The following RBFOX1 variants were observed in gnomAD, a reference collection of about 807,000 sequenced individuals.
The protein encoded by RBFOX1 is RNA binding protein fox-1 homolog 1.
RBFOX1 carries 8 observed loss-of-function variants against 57.7 expected under a neutral mutation model. The observed-to-expected ratio is 0.14, with a 90% CI of 0.08 to 0.25. The LOEUF (loss-of-function observed/expected upper bound fraction) is 0.25. Ranked by LOEUF, RBFOX1 falls within the 10% of genes least tolerant of loss-of-function variation. RBFOX1 has a pLI of 1.00. For synonymous variants in RBFOX1, 326 were observed against 222.4 expected (o/e 1.47, Z -4.15); for missense variants, 611 against 548.5 (o/e 1.11, Z -1.14).
chr16:5,866,932 A>G (rs1253689805), intron 3 of RBFOX1, among the ~76,000 whole-genome samples: 2 of 152,184 alleles, frequency 1.3e-5, no homozygotes, highest in Non-Finnish European at 2.9e-5. Context: ...CTTTAAGGGA[A>G]GGAAAAAAAC....
At chr16:6,766,097 C>G (rs1178325214) in intron 3 of RBFOX1, among the ~76,000 whole-genome samples, 1 of 150,900 alleles carries the variant, frequency 6.6e-6, no homozygotes, top group African/African-American at 2.4e-5. Context: ...TCCATGTAAC[C>G]AAAACTAACC....
At chr16:7,057,196 A>T (rs1219895928) in intron 4 of RBFOX1, among the ~76,000 whole-genome samples, 1 of 152,186 alleles carries the variant, frequency 6.6e-6, no homozygotes, top group Non-Finnish European at 1.5e-5. Context: ...AAGACAACAT[A>T]AAGGGCAGGC....
At chr16:5,845,061 C>CTTTTT (rs34775077) in intron 3 of RBFOX1, among the ~76,000 whole-genome samples, 1 of 140,166 alleles carries the variant, frequency 7.1e-6, no homozygotes. Flanking sequence ...ACCCGAGATT[C>CTTTTT]TTTTTTTTTT....
At chr16:6,008,080 C>T (rs1438852884) in intron 4 of RBFOX1, among the ~76,000 whole-genome samples, 1 of 152,126 alleles carries the variant, frequency 6.6e-6, no homozygotes, top group Non-Finnish European at 1.5e-5. Context: ...TGGCATGCAC[C>T]TGTAGTCCCA....
At chr16:6,686,068 G>C (rs1003445138) in intron 3 of RBFOX1, among the ~76,000 whole-genome samples, 3 of 152,206 alleles carry the variant, frequency 2.0e-5, no homozygotes, top group African/African-American at 7.2e-5. Context: ...GCTGGGCCCA[G>C]CGCTGTGCTC....
At chr16:7,527,444 G>C (rs562939613) in intron 5 of RBFOX1, among the ~76,000 whole-genome samples, 140 of 152,258 alleles carry the variant, frequency 9.2e-4, no homozygotes, top group African/African-American at 3.3e-3. Context: ...GAGCATCAAA[G>C]ACCCATGTGT....
chr16:7,339,375 A>G (rs1234855433), intron 4 of RBFOX1, among the ~76,000 whole-genome samples: 1 of 152,216 alleles, frequency 6.6e-6, no homozygotes, highest in Non-Finnish European at 1.5e-5. Flanking sequence ...ACATGGGAAA[A>G]GCTAGCATAT....
intron 3 of RBFOX1, chr16:6,748,814 A>C (rs1374937660): frequency 1.3e-5 from 2 of 152,018 alleles, no homozygotes; most frequent in African/African-American, 4.8e-5. Flanking sequence ...TCATTCTATA[A>C]GATTTTATTG....
chr16:7,186,115 T>A (rs1226078279), intron 4 of RBFOX1, among the ~76,000 whole-genome samples: 1 of 151,982 alleles, frequency 6.6e-6, no homozygotes, highest in Non-Finnish European at 1.5e-5. Flanking sequence ...TGCACAGATA[T>A]GTACAACCAT....
intron 2 of RBFOX1, among the ~76,000 whole-genome samples, chr16:6,410,944 A>C (rs2093440477): frequency 6.6e-6 from 1 of 152,166 alleles, no homozygotes; most frequent in Non-Finnish European, 1.5e-5. Flanking sequence ...CTGGCTAAGG[A>C]CACAGCAGGC....
intron 3 of RBFOX1, among the ~76,000 whole-genome samples, chr16:5,817,161 ACTCTCT>A (rs1160170576): frequency 6.6e-6 from 1 of 151,502 alleles, no homozygotes; most frequent in Non-Finnish European, 1.5e-5. Context: ...ACTCTTGTGC[ACTCTCT>A]CTCTATCTCT....
intron 2 of RBFOX1, among the ~76,000 whole-genome samples, chr16:6,635,274 T>G (rs1179970152): frequency 6.6e-6 from 1 of 151,754 alleles, no homozygotes; most frequent in South Asian, 2.1e-4. Flanking sequence ...TTTGGAACAT[T>G]AGTTCTTGTT....
In RBFOX1 at chr16:6,884,780, C is replaced by G. The variant is rs184369335; in HGVS notation, c.-15-167277C>G. The stretch of plus-strand genomic sequence containing the variant: ...AGGTGTGATGGCACATACCTGCAGT[C>G]CCAGCTACTTGGGAGGCTGAGGCAG... On this transcript the variant is annotated intron_variant, in intron 3 of 15. Coordinates refer to ENST00000550418, the MANE Select transcript of RBFOX1 (RefSeq NM_018723.4). Among the ~76,000 whole-genome samples the G allele has an allele frequency of 1.1e-3, 168 of 152,168 alleles. 1 individual carries two copies. Among genetic ancestry groups the G allele is most frequent in the Admixed American group, 8.5e-4 (13 of 15,286 alleles).
chr16:5,325,417 TACC>T (rs774057100), intron 1 of RBFOX1, among the ~76,000 whole-genome samples: 52 of 152,380 alleles, frequency 3.4e-4, no homozygotes, highest in Non-Finnish European at 7.5e-4. Context: ...GTAAATTTTC[TACC>T]ACATTTGTTT....
intron 3 of RBFOX1, among the ~76,000 whole-genome samples, chr16:5,708,116 C>G (rs909699517): frequency 3.9e-5 from 6 of 152,102 alleles, no homozygotes; most frequent in Non-Finnish European, 5.9e-5. Context: ...CCTGGAACCT[C>G]TTATTTTCTG....
In RBFOX1 at chr16:7,403,266, A is replaced by C. The variant is rs552566948; in HGVS notation, c.28-114881A>C. The stretch of plus-strand genomic sequence containing the variant: ...CACTTAGAATCTAGTCTCTCAGCAA[A>C]CTTCAAGTATACAATACAGTATCAT... On this transcript the variant is annotated intron_variant, in intron 4 of 15. Transcript: ENST00000550418. Among the ~76,000 whole-genome samples, 5 of 152,188 alleles carry C rather than the reference A, an allele frequency of 3.3e-5. No individual in the cohort carries two copies. In the East Asian group the frequency reaches 9.7e-4, roughly 30 times the overall value.
chr16:6,555,947 C>G (rs1599721331), intron 2 of RBFOX1, among the ~76,000 whole-genome samples: 1 of 152,118 alleles, frequency 6.6e-6, no homozygotes, highest in Non-Finnish European at 1.5e-5. Context: ...AGGATCGACT[C>G]TATTCTGGCA....
rs115539801 is a variant in RBFOX1, at chr16:6,923,892, C to T, written c.-15-128165C>T. Among the ~76,000 whole-genome samples, 1,377 of 152,160 alleles carry T rather than the reference C, an allele frequency of 9.0e-3. 22 individuals are homozygous for T. The highest frequency in any genetic ancestry group is 0.031 in the African/African-American group (1,294 of 41,522). On this transcript the variant is annotated intron_variant, in intron 3 of 15. Transcript: ENST00000550418. ...TTGCTATAAAGAAATACCTGAAGGT[C>T]AGTTGTGGTGGCTGACACCTGTAAT...
intron 2 of RBFOX1, among the ~76,000 whole-genome samples, chr16:6,534,946 TGTTTG>T (rs1386449951): frequency 6.6e-6 from 1 of 152,130 alleles, no homozygotes; most frequent in African/African-American, 2.4e-5. Context: ...ACAGAAAACT[TGTTTG>T]GTTTCTGTAG....
Sources: gnomAD v4.1 joint callset for allele counts (sites outside exome capture counted in the v4.1 genomes callset) on GRCh38, gnomAD v4.1.1 for gene constraint, MANE v1.5 for transcripts, NCBI Gene and HGNC (gene_info 2026-07-23, HGNC 2026-07-21) for gene names.